Variants in LRCH3 observed in about 807,000 individuals in gnomAD.
LRCH3 encodes the protein leucine rich repeats and calponin homology domain containing 3, also known as DISP complex protein LRCH3.
A neutral mutation model predicts 104.5 loss-of-function variants in LRCH3; 68 were observed. The observed-to-expected ratio is 0.65, with a 90% confidence interval of 0.54 to 0.80. The LOEUF is 0.80. Ranked by LOEUF, LRCH3 falls within the 30% of genes least tolerant of loss-of-function variation. The pLI is 0.00. For synonymous variants in LRCH3, 344 were observed against 361.3 expected (o/e 0.95, Z 0.54); for missense variants, 951 against 953.9 (o/e 1.00, Z 0.04).
chr3:197,851,982 C>T (rs952718765), intron 12 of LRCH3, among the ~76,000 whole-genome samples: 3 of 152,152 alleles, frequency 2.0e-5, no homozygotes, highest in African/African-American at 4.8e-5. Context: ...CCTCTCTTCT[C>T]GATTTTCTCA....
rs543781995 is a variant in LRCH3 at position 197,879,588 on chromosome 3, G to A, written c.2208+3813G>A. Among the ~76,000 whole-genome samples, 496 of 152,190 alleles carry A rather than the reference G, an allele frequency of 3.3e-3. 15 individuals are homozygous for A. The highest frequency in any genetic ancestry group is 0.012 in the African/African-American group (478 of 41,456). On this transcript the variant is annotated intron_variant, in intron 20 of 20. Coordinates refer to ENST00000425562, the MANE Select transcript of LRCH3 (RefSeq NM_001365715.1). ...GGGAACCCGGGAGGCGGAGCTTGCA[G>A]TGAGCCGAGATCAGCGAGACTCCGT... is the stretch of plus-strand genomic sequence containing the variant.
intron 10 of LRCH3, among the ~76,000 whole-genome samples, chr3:197,840,705 A>G (rs369541072): frequency 6.2e-5 from 9 of 145,390 alleles, no homozygotes; most frequent in Admixed American, 2.1e-4. Flanking sequence ...TATAGATGGA[A>G]TAAATGTGTA....
intron 14 of LRCH3, among the ~76,000 whole-genome samples, chr3:197,857,900 A>G: frequency 6.6e-6 from 1 of 152,350 alleles, no homozygotes; most frequent in African/African-American, 2.4e-5. Context: ...CATTAAAAAT[A>G]CAGTTGTATT....
intron 12 of LRCH3, chr3:197,852,326 A>G (rs1450600652): frequency 4.4e-6 from 2 of 459,378 alleles, no homozygotes; most frequent in Non-Finnish European, 7.9e-6. Flanking sequence ...GAGGGAGAGA[A>G]TAAGTTCATC....
chr3:197,873,365 G>C (rs993216969), intron 19 of LRCH3, among the ~76,000 whole-genome samples: 3 of 152,152 alleles, frequency 2.0e-5, no homozygotes, highest in African/African-American at 7.2e-5. Context: ...TCAGGGACCT[G>C]TCCTAGGCCA....
intron 17 of LRCH3, among the ~76,000 whole-genome samples, chr3:197,867,809 C>T (rs564201747): frequency 2.0e-3 from 310 of 151,954 alleles, no homozygotes; most frequent in African/African-American, 7.2e-3. Flanking sequence ...GAGCCGAGAT[C>T]GCACCACCGC....
At position 197,846,385 on chromosome 3, in the gene LRCH3, C is replaced by CAAAAAA. The variant is rs113781589; in HGVS notation, c.1329-1014_1329-1009dup. Among the ~76,000 whole-genome samples the CAAAAAA allele has an allele frequency of 1.6e-3, 110 of 66,702 alleles. 1 individual carries two copies. Among genetic ancestry groups the CAAAAAA allele is most frequent in the African/African-American group, 5.0e-3 (103 of 20,786 alleles). 43.8% of individuals were successfully genotyped at this position (66,702 alleles called of 152,430 possible). A position where few individuals can be genotyped will look rare whatever the true frequency, so the allele number is the denominator to read the frequency against. ...CGGCATTGCACTCCACCTTGGGCCA[C>CAAAAAA]AAAAAAAAAAAAAAACAAAAAAAAA... is the stretch of plus-strand genomic sequence containing the variant. On this transcript the variant is annotated intron_variant, in intron 10 of 20. Coordinates refer to ENST00000425562, the MANE Select transcript of LRCH3 (RefSeq NM_001365715.1).
At chr3:197,858,492 CGTA>C (rs1326206059) in intron 14 of LRCH3, among the ~76,000 whole-genome samples, 2 of 151,952 alleles carry the variant, frequency 1.3e-5, no homozygotes, top group Non-Finnish European at 2.9e-5. Context: ...AACCCCTCAT[CGTA>C]GGAACAGGAC....
Position 197,858,770 on chromosome 3 carries a change from C to T in LRCH3, c.1645-64C>T, listed in dbSNP as rs1740558117. ...TTCTCATTTCACTAGTCAGATCTGC[C>T]TGCCTGACATTTGCTAACATAAATG... is the stretch of plus-strand genomic sequence containing the variant. On this transcript the variant is annotated intron_variant, in intron 14 of 20. Coordinates refer to ENST00000425562, the MANE Select transcript of LRCH3 (RefSeq NM_001365715.1). The T allele has an allele frequency of 2.3e-6, 3 of 1,313,856 alleles. No homozygotes were observed. The South Asian group carries it at 3.5e-5, about 15-fold the overall frequency. 81.4% of individuals were successfully genotyped at this position (1,313,856 alleles called of 1,614,324 possible).
intron 10 of LRCH3, among the ~76,000 whole-genome samples, chr3:197,841,846 G>GTTT (rs571232268): frequency 1.4e-5 from 2 of 147,060 alleles, no homozygotes; most frequent in Admixed American, 1.3e-4. Flanking sequence ...GTTTTGTTTT[G>GTTT]TTTTGTGACA....
intron 10 of LRCH3, among the ~76,000 whole-genome samples, chr3:197,846,932 C>A (rs550871146): frequency 8.7e-4 from 127 of 146,630 alleles, no homozygotes; most frequent in Middle Eastern, 3.4e-3. Flanking sequence ...AATAAAAAAA[C>A]CAGAATCTTT....
intron 18 of LRCH3, among the ~76,000 whole-genome samples, chr3:197,871,041 T>G (rs1407945887): frequency 6.6e-6 from 1 of 152,128 alleles, no homozygotes; most frequent in African/African-American, 2.4e-5. Flanking sequence ...TAGTGAGTGA[T>G]TGCCTCTTTA....
In LRCH3 at chr3:197,847,875, T is replaced by C; in HGVS notation, c.1384T>C (p.Ser462Pro). 1 of 1,613,954 alleles carries C rather than the reference T, an allele frequency of 6.2e-7. No homozygotes were observed. Among genetic ancestry groups the C allele is most frequent in the Non-Finnish European group, 8.5e-7 (1 of 1,179,936 alleles). ...LSLSASHNQL[S>P]HTDLELHQRR... ...CACAATAACGCTTTGGTTCCAGCTGTCACACACAGACCTGGAACTTCATCA... is the reference window on the plus strand; with the variant it reads ...CACAATAACGCTTTGGTTCCAGCTGCCACACACAGACCTGGAACTTCATCA... Residue 462 changes from serine to proline, a missense_variant, in exon 12 of 21, where the codon TCA (serine) becomes CCA (proline). Ser to Pro is a moderately conservative substitution (Grantham distance 74, BLOSUM62 -1). Transcript: ENST00000425562.
rs1714175881 is a variant in LRCH3, at chr3:197,886,168, G to A, written c.*2502G>A. The A allele has an allele frequency of 6.9e-6, 1 of 145,842 alleles. No individual in the cohort carries two copies. Among genetic ancestry groups the A allele is most frequent in the African/African-American group, 2.6e-5 (1 of 38,338 alleles). The allele number at this position is 145,842 out of a possible 1,614,324, so 9.0% of individuals were successfully genotyped here. On this transcript the variant is annotated 3_prime_UTR_variant, in exon 21 of 21. Transcript: ENST00000425562. The stretch of plus-strand genomic sequence containing the variant: ...AGCCTGGGCAACATAGCAAGACCCT[G>A]TCTCCCAAAAATTAAAAAAAAAAAA...
At chr3:197,849,892 G>A (rs1739333187) in intron 12 of LRCH3, among the ~76,000 whole-genome samples, 1 of 152,158 alleles carries the variant, frequency 6.6e-6, no homozygotes, top group Admixed American at 6.5e-5. Flanking sequence ...ACCTTATCAG[G>A]GAAATAAACA....
chr3:197,865,551 A>T, intron 16 of LRCH3, 80 bp downstream of exon 16: 1 of 933,112 alleles, frequency 1.1e-6, no homozygotes, highest in African/African-American at 1.8e-5. Context: ...TAATAAATAG[A>T]GACGAGGCCT....
chr3:197,803,141 A>G (rs887893550), intron 1 of LRCH3, among the ~76,000 whole-genome samples: 4 of 152,176 alleles, frequency 2.6e-5, no homozygotes, highest in African/African-American at 9.7e-5. Flanking sequence ...AAAATGTTAA[A>G]CCTTATATGT....
chr3:197,883,626 C>T lies in LRCH3; in HGVS notation c.2294C>T (p.Ala765Val). 1 of 1,536,052 alleles carries T rather than the reference C, an allele frequency of 6.5e-7. No homozygotes were observed. The highest frequency in any genetic ancestry group is 1.2e-5 in the South Asian group (1 of 84,044). ...AVTVQALLELAPPKQQQHQLS... is the reference protein window; with the variant it reads ...AVTVQALLELVPPKQQQHQLS... ...ACGGTCCAGGCTCTCCTGGAACTTGCCCCACCCAAGCAACAGCAGCACCAG... is the reference window on the plus strand; with the variant it reads ...ACGGTCCAGGCTCTCCTGGAACTTGTCCCACCCAAGCAACAGCAGCACCAG... The change falls in exon 21 of 21, where the codon GCC becomes GTC. Residue 765 changes from alanine (A) to valine (V), a missense_variant. By Grantham distance (64) the Ala-to-Val change is moderately conservative. Coordinates refer to ENST00000425562, the MANE Select transcript of LRCH3 (RefSeq NM_001365715.1). This position sits in a 1 kb window ranked among gnomAD's most constrained non-coding sequence, Gnocchi z 4.2.
At chr3:197,882,212 T>A (rs1371862087) in intron 20 of LRCH3, 3 of 985,414 alleles carry the variant, frequency 3.0e-6, no homozygotes, top group East Asian at 1.1e-4. Flanking sequence ...GCGCAGGTCC[T>A]AGGGCGCTGC....
Sources: allele counts gnomAD v4.1 joint callset (sites outside exome capture counted in the v4.1 genomes callset), GRCh38; gene constraint gnomAD v4.1.1; non-coding constraint Gnocchi (gnomAD v3.1); transcripts MANE v1.5; gene names NCBI Gene and HGNC (gene_info 2026-07-23, HGNC 2026-07-21).